The following RBFOX1 variants were observed in gnomAD, a reference collection of about 807,000 sequenced individuals.
The protein encoded by RBFOX1 is RNA binding protein fox-1 homolog 1.
A neutral mutation model predicts 57.7 loss-of-function variants in RBFOX1; 8 were observed. The observed-to-expected ratio is 0.14, with a 90% CI of 0.08 to 0.25. The LOEUF is 0.25. Among genes scored for constraint, RBFOX1 ranks in the 10% least tolerant of loss-of-function variants. RBFOX1 has a pLI of 1.00. For synonymous variants in RBFOX1, 326 were observed against 222.4 expected (o/e 1.47, Z -4.15); for missense variants, 611 against 548.5 (o/e 1.11, Z -1.14).
intron 4 of RBFOX1, among the ~76,000 whole-genome samples, chr16:7,246,744 A>G (rs1281110505): frequency 6.7e-6 from 1 of 149,754 alleles, no homozygotes; most frequent in Non-Finnish European, 1.5e-5. Flanking sequence ...CGGTGGTATC[A>G]GCACCAAGGA....
chr16:6,940,311 T>C (rs1263875843), intron 3 of RBFOX1, among the ~76,000 whole-genome samples: 2 of 152,228 alleles, frequency 1.3e-5, no homozygotes, highest in Non-Finnish European at 2.9e-5. Flanking sequence ...TGAGTTGCTC[T>C]GACCAAGCTA....
intron 4 of RBFOX1, among the ~76,000 whole-genome samples, chr16:7,400,253 A>C (rs1221601202): frequency 6.6e-6 from 1 of 152,180 alleles, no homozygotes; most frequent in Non-Finnish European, 1.5e-5. Context: ...TCCCATCTCT[A>C]CAGAGATTCC....
intron 1 of RBFOX1, among the ~76,000 whole-genome samples, chr16:5,277,128 A>G (rs1279450570): frequency 1.3e-5 from 2 of 152,176 alleles, no homozygotes; most frequent in Non-Finnish European, 2.9e-5. Flanking sequence ...ACTTAGCCTT[A>G]AAAAGGAATG....
intron 3 of RBFOX1, among the ~76,000 whole-genome samples, chr16:6,945,043 G>A (rs57924852): frequency 6.6e-6 from 1 of 152,064 alleles, no homozygotes; most frequent in Non-Finnish European, 1.5e-5. Flanking sequence ...TCTGAATCCC[G>A]TGTTCTAATG....
At chr16:7,496,368 C>T (rs953926103) in intron 4 of RBFOX1, among the ~76,000 whole-genome samples, 1 of 152,170 alleles carries the variant, frequency 6.6e-6, no homozygotes, top group Non-Finnish European at 1.5e-5. Context: ...GTCTTGAACT[C>T]TTGACCTCAA....
chr16:7,001,856 C>T (rs990031872), intron 3 of RBFOX1, among the ~76,000 whole-genome samples: 1 of 152,148 alleles, frequency 6.6e-6, no homozygotes, highest in East Asian at 1.9e-4. Flanking sequence ...CTGTTCAGCA[C>T]TTGTCTCAAC....
chr16:6,517,531 C>A (rs1250911341), intron 2 of RBFOX1, among the ~76,000 whole-genome samples: 1 of 152,082 alleles, frequency 6.6e-6, no homozygotes, highest in Non-Finnish European at 1.5e-5. Context: ...ACCTACACTG[C>A]CGAAGTGGGA....
intron 1 of RBFOX1, among the ~76,000 whole-genome samples, chr16:5,277,281 A>G (rs1010504353): frequency 6.6e-6 from 1 of 151,920 alleles, no homozygotes; most frequent in African/African-American, 2.4e-5. Flanking sequence ...ACGAGAATGA[A>G]ACAGTGGACT....
chr16:7,268,598 G>A (rs575203004), intron 4 of RBFOX1, among the ~76,000 whole-genome samples: 1 of 152,234 alleles, frequency 6.6e-6, no homozygotes, highest in African/African-American at 2.4e-5. Flanking sequence ...ATGGTTTGCA[G>A]TTGGTGGCCA....
intron 3 of RBFOX1, among the ~76,000 whole-genome samples, chr16:6,943,211 T>C (rs913767661): frequency 6.6e-6 from 1 of 152,186 alleles, no homozygotes; most frequent in Non-Finnish European, 1.5e-5. Flanking sequence ...CTGCTTTGCC[T>C]ATAAGGTTAT....
chr16:5,681,914 G>C (rs1056258113), intron 3 of RBFOX1, among the ~76,000 whole-genome samples: 9 of 152,116 alleles, frequency 5.9e-5, no homozygotes, highest in Non-Finnish European at 4.4e-5. Context: ...GGAAGGAGTA[G>C]AATCTTGAAG....
chr16:5,259,828 A>G (rs2062688377), intron 1 of RBFOX1, among the ~76,000 whole-genome samples: 1 of 152,146 alleles, frequency 6.6e-6, no homozygotes, highest in Non-Finnish European at 1.5e-5. Flanking sequence ...GATTGAACTC[A>G]AGTTTTCACT....
intron 4 of RBFOX1, among the ~76,000 whole-genome samples, chr16:7,381,227 C>G (rs145670932): frequency 6.6e-6 from 1 of 152,164 alleles, no homozygotes; most frequent in Admixed American, 6.5e-5. Flanking sequence ...GAGGCCGTGT[C>G]TCTCAAACCC....
At chr16:6,847,116 G>GCT (rs1174641347) in intron 3 of RBFOX1, among the ~76,000 whole-genome samples, 1 of 152,118 alleles carries the variant, frequency 6.6e-6, no homozygotes, top group African/African-American at 2.4e-5. Flanking sequence ...AGTCAACCCT[G>GCT]CTCAGAGATG....
chr16:6,506,541 A>G (rs969828316), intron 2 of RBFOX1, among the ~76,000 whole-genome samples: 6 of 151,462 alleles, frequency 4.0e-5, no homozygotes, highest in African/African-American at 1.5e-4. Context: ...AACTTGGGAC[A>G]TCTATGGACC....
At chr16:6,600,745 A>G (rs368382353) in intron 2 of RBFOX1, among the ~76,000 whole-genome samples, 22 of 152,338 alleles carry the variant, frequency 1.4e-4, no homozygotes, top group African/African-American at 5.1e-4. Context: ...CCTCACAGAC[A>G]GACAGTATAA....
At chr16:5,906,784 G>C (rs143689290) in intron 4 of RBFOX1, among the ~76,000 whole-genome samples, 1 of 136,878 alleles carries the variant, frequency 7.3e-6, no homozygotes, top group Non-Finnish European at 1.5e-5. Context: ...TTCCAGGCTG[G>C]AGTGCAGTGA....
intron 4 of RBFOX1, among the ~76,000 whole-genome samples, chr16:7,485,152 C>T (rs2065062067): frequency 1.3e-5 from 2 of 151,764 alleles, no homozygotes; most frequent in South Asian, 4.1e-4. Context: ...CTGCTATAGA[C>T]ACATTAGTTA....
chr16:6,568,899 A>T (rs563086958), intron 2 of RBFOX1, among the ~76,000 whole-genome samples: 2 of 152,080 alleles, frequency 1.3e-5, no homozygotes, highest in East Asian at 3.9e-4. Flanking sequence ...ACTGCCCCCA[A>T]GTAGCTGGGA....
Sources: gnomAD v4.1 joint callset for allele counts (sites outside exome capture counted in the v4.1 genomes callset) on GRCh38, gnomAD v4.1.1 for gene constraint, MANE v1.5 for transcripts, NCBI Gene and HGNC (gene_info 2026-07-23, HGNC 2026-07-21) for gene names.